Variants in NAV1 observed in about 807,000 individuals in gnomAD.
NAV1 encodes the protein pore membrane and/or filament interacting like protein 3.
In NAV1, 18 loss-of-function variants were observed where a neutral mutation model predicts 175.2. The observed-to-expected ratio is 0.10, with a 90% CI of 0.07 to 0.15. The LOEUF (loss-of-function observed/expected upper bound fraction) is 0.15. Ranked by LOEUF, NAV1 falls within the 10% of genes least tolerant of loss-of-function variation. The pLI, the probability that NAV1 is intolerant of heterozygous loss-of-function variation, is 1.00. For missense variants in NAV1, 1,731 were observed against 2,436.6 expected (o/e 0.71, Z 6.10); for synonymous variants, 897 against 978.7 (o/e 0.92, Z 1.56).
intron 1 of NAV1, among the ~76,000 whole-genome samples, chr1:201,696,222 C>G (rs1048899689): frequency 6.6e-6 from 1 of 151,982 alleles, no homozygotes; most frequent in Non-Finnish European, 1.5e-5. Context: ...AGGGTGGGAG[C>G]GGGAGAGGGA....
chr1:201,668,389 C>T (rs924959918), intron 1 of NAV1, among the ~76,000 whole-genome samples: 3 of 152,162 alleles, frequency 2.0e-5, no homozygotes, highest in African/African-American at 7.2e-5. Context: ...TTAATGGGCA[C>T]CTTAAAAGCC....
chr1:201,691,284 A>G (rs977071593), intron 1 of NAV1, among the ~76,000 whole-genome samples: 1 of 152,218 alleles, frequency 6.6e-6, no homozygotes, highest in African/African-American at 2.4e-5. Flanking sequence ...GAGAACCACT[A>G]TAATAGAGGC....
At chr1:201,639,677 G>A (rs534600472) in intron 2 of NAV1, among the ~76,000 whole-genome samples, 6 of 152,150 alleles carry the variant, frequency 3.9e-5, no homozygotes, top group East Asian at 3.9e-4. Context: ...CCCCTCCCAC[G>A]TCTGGAACAG....
At position 201,655,171 on chromosome 1, in the gene NAV1, C is replaced by T. The variant is rs546674745; in HGVS notation, c.757+5746C>T. 5.9e-5 allele frequency among the ~76,000 whole-genome samples: 9 copies of T among 152,324 alleles called. No individual in the cohort carries two copies. The South Asian group carries it at 1.9e-3, about 32-fold the overall frequency. On this transcript the variant is annotated intron_variant, in intron 1 of 29. Coordinates refer to ENST00000367296, the Ensembl canonical transcript of NAV1. ...AGTCCAGCTCTCCACCTGGACCCCA[C>T]TGTCTGCATCTCAGAGTGGCTCCCT...
At chr1:201,702,946 C>G (rs994157842) in intron 1 of NAV1, among the ~76,000 whole-genome samples, 7 of 152,154 alleles carry the variant, frequency 4.6e-5, no homozygotes, top group African/African-American at 1.7e-4. Flanking sequence ...ATACATAAAG[C>G]TGCTAGAATA....
chr1:201,668,827 C>A (rs535344658), intron 1 of NAV1, among the ~76,000 whole-genome samples: 1 of 152,146 alleles, frequency 6.6e-6, no homozygotes, highest in East Asian at 1.9e-4. Flanking sequence ...CACCTCACCT[C>A]GCTCCTCTCA....
chr1:201,651,913 G>A (rs1558038730), intron 1 of NAV1, among the ~76,000 whole-genome samples: 3 of 152,094 alleles, frequency 2.0e-5, no homozygotes, highest in Non-Finnish European at 4.4e-5. Flanking sequence ...GTGTCAAACA[G>A]TGGTAGGGAG....
At chr1:201,640,156 T>C (rs1668710153) in intron 2 of NAV1, among the ~76,000 whole-genome samples, 1 of 151,852 alleles carries the variant, frequency 6.6e-6, no homozygotes, top group South Asian at 2.1e-4. Context: ...ACAATAAATC[T>C]CTCTCTGGAG....
chr1:201,565,181 CAT>C (rs1205395088), intron 1 of NAV1, among the ~76,000 whole-genome samples: 1 of 152,068 alleles, frequency 6.6e-6, no homozygotes, highest in Admixed American at 6.6e-5. Flanking sequence ...CAGGAATAAA[CAT>C]ATGTTTTAAA....
rs930844900 is a variant in NAV1 at position 201,562,379 on chromosome 1, G to A, written c.-144+23037G>A. Reference sequence around the variant, plus strand: ...GACCTTGGGTCCTAGTTGGTAGAAAGCATTTCCGAAGTGGAGACATCTGGA... The same window carrying A: ...GACCTTGGGTCCTAGTTGGTAGAAAACATTTCCGAAGTGGAGACATCTGGA... On this transcript the variant is annotated intron_variant, in intron 1 of 33. Transcript: ENST00000685211. Among the ~76,000 whole-genome samples, 3 of 152,156 alleles carry A rather than the reference G, an allele frequency of 2.0e-5. No homozygotes were observed. The East Asian group carries it at 5.8e-4, about 29-fold the overall frequency.
chr1:201,739,706 A>C, intron 3 of NAV1: 2 of 1,016,938 alleles, frequency 2.0e-6, no homozygotes, highest in Non-Finnish European at 2.4e-6. Flanking sequence ...AGGCCACCGG[A>C]ACGGAGGAGG....
intron 3 of NAV1, among the ~76,000 whole-genome samples, chr1:201,779,248 A>T (rs1457584755): frequency 6.6e-6 from 1 of 152,174 alleles, no homozygotes; most frequent in Non-Finnish European, 1.5e-5. Context: ...AGAGGAGGCT[A>T]GTTTTGAGGC....
Position 201,718,555 on chromosome 1 carries a change from G to A in NAV1, c.1026G>A (p.Thr342=), listed in dbSNP as rs1187537747. 5 of 1,613,468 alleles carry A rather than the reference G, an allele frequency of 3.1e-6. No individual in the cohort carries two copies. The South Asian group carries it at 3.3e-5, about 11-fold the overall frequency. Residue 342 remains threonine (T), a synonymous_variant, in exon 3 of 30, where the codon ACG becomes ACA. Transcript: ENST00000367296. The surrounding 1 kb of genome is among the most constrained non-coding windows in gnomAD (Gnocchi z 4.8). ...GTGGGAGCTGCCGCTCGGAGGGGAC[G>A]CCCGCCTGGTACATGCACGGCGAAC...
At chr1:201,786,606 A>G in intron 9 of NAV1, 29 bp downstream of exon 13, 2 of 1,602,744 alleles carry the variant, frequency 1.2e-6, no homozygotes, top group Non-Finnish European at 1.7e-6. Context: ...TCACTGTGGC[A>G]TGGGGTGAAG....
intron 2 of NAV1, among the ~76,000 whole-genome samples, chr1:201,599,700 T>C (rs1667465387): frequency 6.6e-6 from 1 of 152,182 alleles, no homozygotes; most frequent in Non-Finnish European, 1.5e-5. Flanking sequence ...TCCGAGCGCC[T>C]GCTCTGATTC....
intron 1 of NAV1, among the ~76,000 whole-genome samples, chr1:201,702,510 A>G (rs998335757): frequency 3.9e-5 from 6 of 152,118 alleles, no homozygotes; most frequent in African/African-American, 1.4e-4. Context: ...AGCTGGGGTT[A>G]CAGGAGTGCA....
intron 1 of NAV1, among the ~76,000 whole-genome samples, chr1:201,661,448 C>G (rs1018673087): frequency 6.6e-6 from 1 of 152,128 alleles, no homozygotes; most frequent in African/African-American, 2.4e-5. Context: ...CCCAGATGTA[C>G]AGGAAGAAAT....
exon 5 of NAV1, chr1:201,781,074 A>T: frequency 4.3e-6 from 7 of 1,614,224 alleles, no homozygotes; most frequent in Non-Finnish European, 5.1e-6. Flanking sequence ...TTAGTGAATC[A>T]GAGGAGAAAG....
chr1:201,631,891 G>T (rs1368505600), intron 2 of NAV1, among the ~76,000 whole-genome samples: 1 of 151,834 alleles, frequency 6.6e-6, no homozygotes, highest in African/African-American at 2.4e-5. Context: ...AACTCATCTT[G>T]CCCCCCATCA....
Sources: gnomAD v4.1 joint callset for allele counts (sites outside exome capture counted in the v4.1 genomes callset) on GRCh38, gnomAD v4.1.1 for gene constraint, Gnocchi (gnomAD v3.1) non-coding constraint, MANE v1.5 for transcripts, NCBI Gene and HGNC (gene_info 2026-07-23, HGNC 2026-07-21) for gene names.